Variants in PCDHGB2 observed in about 807,000 individuals in gnomAD.
PCDHGB2 encodes the protein protocadherin gamma subfamily B, 2.
In PCDHGB2, 55 loss-of-function variants were observed where a neutral mutation model predicts 59.3. That is an observed-to-expected ratio of 0.93 (90% CI 0.75 to 1.16). The LOEUF is 1.16. PCDHGB2 is among the 50% of genes most tolerant of loss of function. The pLI is 0.00. For missense variants in PCDHGB2, 1,228 were observed against 1,198.5 expected (o/e 1.02, Z -0.36); for synonymous variants, 516 against 512.0 (o/e 1.01, Z -0.11).
intron 1 of PCDHGB2, chr5:141,408,026 G>A (rs1484571389): frequency 2.8e-6 from 3 of 1,081,716 alleles, no homozygotes; most frequent in African/African-American, 3.2e-5. Context: ...ACAACAGAAA[G>A]AAGAAAACCA....
At position 141,366,001 on chromosome 5, in the gene PCDHGB2, C is replaced by T. The variant is rs367829732; in HGVS notation, c.2421+3445C>T. ...GCCTGTTTGTGCTGGACCAGAACGA[C>T]AATACGCCTGAGATCCTGTACCCCG... On this transcript the variant is annotated intron_variant, in intron 1 of 3. Transcript: ENST00000522605. 1.4e-5 allele frequency: 22 copies of T among 1,614,272 alleles called. No individual in the cohort carries two copies. The Admixed American group carries it at 1.8e-4, about 13-fold the overall frequency.
At chr5:141,366,007 G>T (rs764457320) in intron 1 of PCDHGB2, 1 of 1,614,058 alleles carries the variant, frequency 6.2e-7, no homozygotes, top group Non-Finnish European at 8.5e-7. Flanking sequence ...ACGACAATAC[G>T]CCTGAGATCC....
At position 141,431,468 on chromosome 5, in the gene PCDHGB2, G is replaced by A. The variant is rs756718016; in HGVS notation, c.2422-63339G>A. ...CCGCGTGATGGTTCTGGATGCGAAC[G>A]ACAACGCACCAGCGTTTGCTCAGCC... On this transcript the variant is annotated intron_variant, in intron 1 of 3. Transcript: ENST00000522605. This position sits in a 1 kb window ranked among gnomAD's most constrained non-coding sequence, Gnocchi z 4.8. The A allele has an allele frequency of 3.7e-6, 6 of 1,613,804 alleles. No homozygotes were observed. In the Admixed American group the frequency reaches 8.3e-5, roughly 22 times the overall value.
intron 1 of PCDHGB2, among the ~76,000 whole-genome samples, chr5:141,380,453 A>T (rs1776506198): frequency 6.6e-6 from 1 of 152,216 alleles, no homozygotes; most frequent in Non-Finnish European, 1.5e-5. Context: ...TTTTAATGCA[A>T]CCAAACAAAT....
At chr5:141,406,189 C>G (rs1277183811) in intron 1 of PCDHGB2, among the ~76,000 whole-genome samples, 1 of 151,722 alleles carries the variant, frequency 6.6e-6, no homozygotes, top group Admixed American at 6.6e-5. Context: ...CCTCCCACCT[C>G]AGCCTTCACA....
chr5:141,478,290 A>G, intron 1 of PCDHGB2: 1 of 1,614,056 alleles, frequency 6.2e-7, no homozygotes, highest in South Asian at 1.1e-5. Flanking sequence ...CAGTCTAGAG[A>G]CCTATACCGA....
Position 141,505,499 on chromosome 5 carries a change from G to T in PCDHGB2, c.2569+18G>T, listed in dbSNP as rs753203943. 4.3e-6 allele frequency: 7 copies of T among 1,614,172 alleles called. No individual in the cohort carries two copies. The South Asian group carries it at 7.7e-5, about 18-fold the overall frequency. ...CGCCAGTGGTAAGTGGTGTCAGTGTGTGTATGGAAGAGTGGGAGACCTGGG... is the reference window on the plus strand; with the variant it reads ...CGCCAGTGGTAAGTGGTGTCAGTGTTTGTATGGAAGAGTGGGAGACCTGGG... On this transcript the variant is annotated intron_variant, in intron 3 of 3. Coordinates refer to ENST00000522605, the MANE Select transcript of PCDHGB2 (RefSeq NM_018923.3).
At position 141,427,298 on chromosome 5, in the gene PCDHGB2, G is replaced by A. The variant is rs960474831; in HGVS notation, c.2421+64742G>A. The A allele has an allele frequency of 8.8e-6, 4 of 456,870 alleles. No individual in the cohort carries two copies. The Admixed American group carries it at 9.4e-5, about 11-fold the overall frequency. 28.3% of individuals were successfully genotyped at this position (456,870 alleles called of 1,614,324 possible). A position where few individuals can be genotyped will look rare whatever the true frequency, so the allele number is the denominator to read the frequency against. On this transcript the variant is annotated intron_variant, in intron 1 of 3. Coordinates refer to ENST00000522605, the MANE Select transcript of PCDHGB2 (RefSeq NM_018923.3). ...AAATTATACTAGAAATCCTAGATGA[G>A]AATGACAATGCCCCAGACGTGGTTT...
intron 1 of PCDHGB2, chr5:141,478,730 G>A: frequency 6.5e-7 from 1 of 1,538,906 alleles, no homozygotes; most frequent in South Asian, 1.2e-5. Flanking sequence ...GCCAGAGTGT[G>A]GTTTGTGGTC....
intron 2 of PCDHGB2, among the ~76,000 whole-genome samples, chr5:141,502,250 T>A (rs915754322): frequency 2.6e-5 from 4 of 152,242 alleles, no homozygotes; most frequent in East Asian, 3.8e-4. Context: ...TCCTTTTTTT[T>A]AATCCAGGAT....
At position 141,423,654 on chromosome 5, in the gene PCDHGB2, T is replaced by C. The variant is rs768410507; in HGVS notation, c.2421+61098T>C. The C allele has an allele frequency of 6.3e-6, 10 of 1,583,982 alleles. No individual in the cohort carries two copies. The Admixed American group carries it at 1.8e-4, about 28-fold the overall frequency. ...TTTTAGGCAAATGTGACCCGACAAG[T>C]AATCAGGTGAGATTTATTTCTCTGC... On this transcript the variant is annotated intron_variant, in intron 1 of 3. Transcript: ENST00000522605.
intron 2 of PCDHGB2, 117 bp downstream of exon 2, chr5:141,494,982 G>T: frequency 1.3e-6 from 2 of 1,563,940 alleles, no homozygotes; most frequent in Non-Finnish European, 1.7e-6. Flanking sequence ...CTCAGTTTGA[G>T]ATCCCAGGGA....
At chr5:141,507,429 G>C (rs1191174823) in intron 3 of PCDHGB2, 3 of 152,238 alleles carry the variant, frequency 2.0e-5, no homozygotes, top group African/African-American at 7.2e-5. Flanking sequence ...AGTGGGGCCA[G>C]GCCTACAGCT....
intron 1 of PCDHGB2, among the ~76,000 whole-genome samples, chr5:141,447,954 CGGACACCTA>C (rs2098556369): frequency 6.6e-6 from 1 of 151,814 alleles, no homozygotes; most frequent in Non-Finnish European, 1.5e-5. Context: ...GGCATGGTGG[CGGACACCTA>C]TAATCCCAGC....
rs771162471 is a variant in PCDHGB2, at chr5:141,376,386, T to G, written c.2421+13830T>G. 81 of 1,614,116 alleles carry G rather than the reference T, an allele frequency of 5.0e-5. No individual in the cohort carries two copies. The highest frequency in any genetic ancestry group is 4.2e-4 in the South Asian group (38 of 91,094). On this transcript the variant is annotated intron_variant, in intron 1 of 3. Transcript: ENST00000522605. ...ACTGCAGACTCGCGTAAGAGTCATC[T>G]GATTTTCCCCCAGCCCAACTATGCC...
At chr5:141,434,080 A>G (rs775751994) in intron 1 of PCDHGB2, among the ~76,000 whole-genome samples, 2 of 152,042 alleles carry the variant, frequency 1.3e-5, no homozygotes, top group Non-Finnish European at 2.9e-5. Flanking sequence ...TCAATTATTT[A>G]TTTTGATGCT....
At chr5:141,390,271 C>A in intron 1 of PCDHGB2, 1 of 1,614,036 alleles carries the variant, frequency 6.2e-7, no homozygotes, top group Non-Finnish European at 8.5e-7. Context: ...AGTGAATTGA[C>A]TTCCCATCAG....
At chr5:141,389,823 G>A in intron 1 of PCDHGB2, 3 of 1,613,944 alleles carry the variant, frequency 1.9e-6, no homozygotes, top group Non-Finnish European at 2.5e-6. Context: ...CGTGCGTGAC[G>A]GTGGACAGCC....
At chr5:141,414,670 A>G in intron 1 of PCDHGB2, 1 of 1,613,894 alleles carries the variant, frequency 6.2e-7, no homozygotes. Context: ...GGCTGAAGAC[A>G]CCATCCAGGG....
Sources: allele counts gnomAD v4.1 joint callset (sites outside exome capture counted in the v4.1 genomes callset), GRCh38; gene constraint gnomAD v4.1.1; non-coding constraint Gnocchi (gnomAD v3.1); transcripts MANE v1.5; gene names NCBI Gene and HGNC (gene_info 2026-07-23, HGNC 2026-07-21).